Variants in ZNF724 observed in about 807,000 individuals in gnomAD.
ZNF724 encodes the protein zinc finger protein 724 pseudogene.
Under a neutral mutation model 29.3 loss-of-function variants are expected in ZNF724, and 14 were observed. The ratio of observed to expected loss-of-function variants is 0.48; its 90% CI spans 0.32 to 0.75. ZNF724 has a LOEUF of 0.75. ZNF724 is among the 30% of genes least tolerant of loss of function. ZNF724 has a pLI of 0.04. For synonymous variants in ZNF724, 180 were observed against 193.6 expected, an observed-to-expected ratio of 0.93 and a Z score of 0.58; for missense variants, 557 against 571.2, an observed-to-expected ratio of 0.98 and a Z score of 0.25.
chr19:23,240,671 G>A (rs1186399393), intron 1 of ZNF724, among the ~76,000 whole-genome samples: 1 of 143,708 alleles, frequency 7.0e-6, no homozygotes, highest in African/African-American at 2.6e-5. Flanking sequence ...GGTAATCTGA[G>A]ATCATTCCAC....
intron 1 of ZNF724, among the ~76,000 whole-genome samples, chr19:23,243,058 A>C (rs1205787024): frequency 8.6e-5 from 3 of 34,922 alleles, no homozygotes; most frequent in Non-Finnish European, 1.2e-4. Flanking sequence ...AAAAAAAAAA[A>C]GAAAGAAAGA....
chr19:23,227,862 CAT>C (rs756377009), intron 3 of ZNF724, among the ~76,000 whole-genome samples: 39 of 151,952 alleles, frequency 2.6e-4, no homozygotes, highest in Admixed American at 1.7e-3. Context: ...TTAATTCTGA[CAT>C]ATGTGTCAAT....
chr19:23,250,048 C>T (rs954178461), intron 1 of ZNF724, among the ~76,000 whole-genome samples, 192 bp downstream of exon 1: 4 of 152,124 alleles, frequency 2.6e-5, no homozygotes, highest in Non-Finnish European at 4.4e-5. Flanking sequence ...AGAGACAAGA[C>T]GCCCGGGGGC....
chr19:23,227,565 AAAAAAC>A (rs1971858297), intron 3 of ZNF724, among the ~76,000 whole-genome samples: 1 of 110,008 alleles, frequency 9.1e-6, no homozygotes, highest in Non-Finnish European at 2.1e-5. Context: ...CAAAAAAAAA[AAAAAAC>A]AAAAAAAAAC....
intron 3 of ZNF724, among the ~76,000 whole-genome samples, chr19:23,227,555 C>CAAAAAAAAAAAAAAAAAAAAAAAAAAA (rs1370441801): frequency 1.3e-5 from 1 of 76,054 alleles, no homozygotes; most frequent in Non-Finnish European, 2.5e-5. Context: ...GGCTCCATCT[C>CAAAAAAAAAAAAAAAAAAAAAAAAAAA]AAAAAAAAAA....
At chr19:23,245,605 C>T (rs1972221634) in intron 1 of ZNF724, among the ~76,000 whole-genome samples, 1 of 151,036 alleles carries the variant, frequency 6.6e-6, no homozygotes, top group African/African-American at 2.4e-5. Flanking sequence ...CAGAGCAAGA[C>T]TCCATCTCAA....
At position 23,222,157 on chromosome 19, in the gene ZNF724, CTACTA is replaced by C. The variant is rs1364824068; in HGVS notation, c.*223_*227del. ...TTCTTCACACTTGTAGAGGTTTCCT[CTACTA>C]TATTTTACCTACAATCAAGTATGAC... On this transcript the variant is annotated 3_prime_UTR_variant, in exon 4 of 4. Transcript: ENST00000418100. 1 of 466,578 alleles carries C rather than the reference CTACTA, an allele frequency of 2.1e-6. No individual in the cohort carries two copies. The highest frequency in any genetic ancestry group is 1.9e-5 in the African/African-American group (1 of 51,498). 28.9% of individuals were successfully genotyped at this position (466,578 alleles called of 1,614,324 possible). A position where few individuals can be genotyped will look rare whatever the true frequency, so the allele number is the denominator to read the frequency against.
At chr19:23,224,704 C>T in intron 3 of ZNF724, among the ~76,000 whole-genome samples, 1 of 86,182 alleles carries the variant, frequency 1.2e-5, no homozygotes, top group East Asian at 3.7e-4. Flanking sequence ...GCCTGTAATC[C>T]CAACACTTTG....
chr19:23,224,065 T>C, intron 3 of ZNF724, 47 bp from the exon 4 acceptor site: 1 of 607,714 alleles, frequency 1.6e-6, no homozygotes, highest in Non-Finnish European at 2.9e-6. Context: ...TAGACTCAGA[T>C]ACATATTCTT....
In ZNF724 at chr19:23,223,439, A is replaced by C. The variant is rs1971762085; in HGVS notation, c.806T>G (p.Leu269Arg). Residue 269 changes from leucine (L) to arginine (R), a missense_variant, in exon 4 of 4, where the codon CTT (leucine) becomes CGT (arginine). Coordinates refer to ENST00000418100, the MANE Select transcript of ZNF724 (RefSeq NM_001355404.2). ...AGTATGAATTATCTTATGTGTAGTA[A>C]GGTGTGAGGATATGTTAAAAGCTTT... ...CGKAFNISSH[L>R]TTHKIIHTGE... 1.3e-6 allele frequency: 1 copy of C among 767,970 alleles called. No homozygotes were observed. The allele number at this position is 767,970 out of a possible 1,614,324, so 47.6% of individuals were successfully genotyped here. A position where few individuals can be genotyped will look rare whatever the true frequency, so the allele number is the denominator to read the frequency against.
At chr19:23,227,559 A>AAAAAAAAC (rs1396780137) in intron 3 of ZNF724, among the ~76,000 whole-genome samples, 5 of 109,936 alleles carry the variant, frequency 4.5e-5, no homozygotes, top group African/African-American at 1.1e-4. Flanking sequence ...CCATCTCAAA[A>AAAAAAAAC]AAAAAAAAAA....
chr19:23,229,384 C>T lies in ZNF724; in HGVS notation c.226+1882G>A, dbSNP rs184419152. Among the ~76,000 whole-genome samples, 46 of 152,324 alleles carry T rather than the reference C, an allele frequency of 3.0e-4. No individual in the cohort carries two copies. In the East Asian group the frequency reaches 8.3e-3, roughly 27 times the overall value. On this transcript the variant is annotated intron_variant, in intron 3 of 3. Coordinates refer to ENST00000418100, the MANE Select transcript of ZNF724 (RefSeq NM_001355404.2). ...GCAGGCAGGTTTGCAAGACCTTAGC[C>T]TTTACTGTGGTCCCTGAAGCAGTTC...
chr19:23,230,029 T>C (rs937398154), intron 3 of ZNF724, among the ~76,000 whole-genome samples: 1 of 152,180 alleles, frequency 6.6e-6, no homozygotes, highest in African/African-American at 2.4e-5. Flanking sequence ...AACTAATTAA[T>C]ATACTCAGTA....
intron 3 of ZNF724, among the ~76,000 whole-genome samples, chr19:23,230,370 A>G (rs1971913968): frequency 1.3e-5 from 2 of 152,208 alleles, no homozygotes; most frequent in South Asian, 4.1e-4. Flanking sequence ...TAGTAATGAA[A>G]AACACAATCA....
chr19:23,247,592 C>T (rs78633873), intron 1 of ZNF724, among the ~76,000 whole-genome samples: 197 of 152,288 alleles, frequency 1.3e-3, no homozygotes, highest in Non-Finnish European at 2.3e-3. Context: ...CACTGCATTA[C>T]GCCCCAATGA....
chr19:23,229,663 AC>A (rs1013462261), intron 3 of ZNF724, among the ~76,000 whole-genome samples: 13 of 152,122 alleles, frequency 8.5e-5, no homozygotes, highest in Non-Finnish European at 1.8e-4. Context: ...CTAAAGGTAA[AC>A]CCTTGTGCAG....
rs746029408 is a variant in ZNF724, at chr19:23,223,654, G to A, written c.591C>T (p.Ser197=). Reference sequence around the variant, plus strand: ...CCTTGCCACATTCTTCAAGTTTGTAGGAATTGACAGTAGTGTGAATTCTTT... The same window carrying A: ...CCTTGCCACATTCTTCAAGTTTGTAAGAATTGACAGTAGTGTGAATTCTTT... ...QHKRIHTTVN[S]YKLEECGKAF... The change falls in exon 4 of 4, where the codon TCC becomes TCT. Residue 197 remains serine, a synonymous_variant. Transcript: ENST00000418100. 7 of 714,684 alleles carry A rather than the reference G, an allele frequency of 9.8e-6. No homozygotes were observed. The highest frequency in any genetic ancestry group is 1.3e-5 in the Non-Finnish European group (5 of 385,590). 44.3% of individuals were successfully genotyped at this position (714,684 alleles called of 1,614,324 possible). A position where few individuals can be genotyped will look rare whatever the true frequency, so the allele number is the denominator to read the frequency against.
At chr19:23,240,658 T>C (rs892514399) in intron 1 of ZNF724, among the ~76,000 whole-genome samples, 45 of 149,656 alleles carry the variant, frequency 3.0e-4, no homozygotes, top group Non-Finnish European at 5.3e-4. Context: ...AGGCGAAGGT[T>C]GCGGTAATCT....
chr19:23,235,132 T>C (rs529071324), intron 1 of ZNF724, among the ~76,000 whole-genome samples: 2 of 152,380 alleles, frequency 1.3e-5, no homozygotes, highest in African/African-American at 4.8e-5. Flanking sequence ...GCAGGTACTA[T>C]GTGCTCAAGA....
Sources: allele counts gnomAD v4.1 joint callset (sites outside exome capture counted in the v4.1 genomes callset), GRCh38; gene constraint gnomAD v4.1.1; transcripts MANE v1.5; gene names NCBI Gene and HGNC (gene_info 2026-07-23, HGNC 2026-07-21).